Variants in CARMIL1 observed in about 807,000 individuals in gnomAD.
CARMIL1 encodes the protein F-actin-uncapping protein LRRC16A.
Under a neutral mutation model 177.1 loss-of-function variants are expected in CARMIL1, and 90 were observed. The observed-to-expected ratio is 0.51, with a 90% CI of 0.43 to 0.61. The LOEUF (loss-of-function observed/expected upper bound fraction) is 0.61. CARMIL1 is among the 20% of genes least tolerant of loss of function. The probability of loss-of-function intolerance (pLI) is 0.00; values close to 1 mark genes in which losing one functional copy is unlikely to be tolerated. For synonymous variants in CARMIL1, 577 were observed against 606.2 expected (o/e 0.95, Z 0.71); for missense variants, 1,380 against 1,667.0 (o/e 0.83, Z 3.00).
chr6:25,420,983 T>C (rs1397844565), intron 3 of CARMIL1, among the ~76,000 whole-genome samples: 1 of 152,210 alleles, frequency 6.6e-6, no homozygotes, highest in Non-Finnish European at 1.5e-5. Flanking sequence ...TAAGTCTTAT[T>C]ATTATCCCCT....
chr6:25,606,379 C>T (rs992079732), intron 35 of CARMIL1, 106 bp downstream of exon 35: 2 of 992,396 alleles, frequency 2.0e-6, no homozygotes, highest in Non-Finnish European at 2.9e-6. Context: ...GAGCGAGGTA[C>T]AGCGGCTTCT....
intron 33 of CARMIL1, among the ~76,000 whole-genome samples, chr6:25,603,613 T>C (rs947241871): frequency 1.3e-5 from 2 of 152,200 alleles, no homozygotes; most frequent in African/African-American, 2.4e-5. Flanking sequence ...GTCAGAAGCA[T>C]GGGATGAGCA....
chr6:25,471,172 A>G lies in CARMIL1; in HGVS notation c.694A>G (p.Thr232Ala). The stretch of plus-strand genomic sequence containing the variant: ...CAAAGAATGTTTTCTGTTACAGTCC[A>G]CTGATGTCTGTGAACAGATCTTGAG... ...KLSSKDLKLS[T>A]DVCEQILRVV... The change falls in exon 10 of 37, where the codon ACT becomes GCT. Residue 232 changes from threonine to alanine, a missense_variant. Transcript: ENST00000329474. The G allele has an allele frequency of 6.2e-7, 1 of 1,604,640 alleles. No homozygotes were observed. Among genetic ancestry groups the G allele is most frequent in the Non-Finnish European group, 8.5e-7 (1 of 1,174,526 alleles).
chr6:25,581,686 C>A (rs899094181), intron 31 of CARMIL1, among the ~76,000 whole-genome samples: 1 of 152,122 alleles, frequency 6.6e-6, no homozygotes, highest in Non-Finnish European at 1.5e-5. Context: ...ATTTCCGATT[C>A]TTCAGAACAG....
intron 29 of CARMIL1, chr6:25,563,058 A>T (rs1432783032): frequency 5.2e-6 from 1 of 192,796 alleles, no homozygotes; most frequent in Non-Finnish European, 9.5e-6. Context: ...AAAAATTGCA[A>T]GTGAATTTTA....
At chr6:25,600,283 C>T in intron 32 of CARMIL1, 31 bp from the exon 33 acceptor site, 1 of 1,563,978 alleles carries the variant, frequency 6.4e-7, no homozygotes, top group Non-Finnish European at 8.6e-7. Context: ...ACAGTAAAAA[C>T]AACAGATCTG....
intron 11 of CARMIL1, among the ~76,000 whole-genome samples, chr6:25,480,399 T>G (rs1801971337): frequency 6.6e-6 from 1 of 151,888 alleles, no homozygotes; most frequent in Non-Finnish European, 1.5e-5. Flanking sequence ...TCTTCTTAAT[T>G]AATGAAATAT....
intron 2 of CARMIL1, among the ~76,000 whole-genome samples, chr6:25,310,104 G>A (rs1188996417): frequency 6.6e-6 from 1 of 152,084 alleles, no homozygotes; most frequent in Non-Finnish European, 1.5e-5. Flanking sequence ...CTAATAGATT[G>A]TGGGTTGTTT....
chr6:25,304,093 C>T (rs1236469169), intron 2 of CARMIL1, among the ~76,000 whole-genome samples: 3 of 152,160 alleles, frequency 2.0e-5, no homozygotes, highest in Admixed American at 6.5e-5. Context: ...AGCCTGCTGC[C>T]CCCACAGGTG....
chr6:25,509,507 A>G lies in CARMIL1; in HGVS notation c.1396-149A>G, dbSNP rs1805261186. The stretch of plus-strand genomic sequence containing the variant: ...CTAGTGATAGGCTCTTTACCCACTG[A>G]TAATAGCTTCTTTGGAGTTGATAAG... On this transcript the variant is annotated intron_variant, in intron 17 of 36. Transcript: ENST00000329474. The surrounding 1 kb of genome is among the most constrained non-coding windows in gnomAD (Gnocchi z 4.1). 3.2e-6 allele frequency: 2 copies of G among 629,942 alleles called. No homozygotes were observed. Among genetic ancestry groups the G allele is most frequent in the Non-Finnish European group, 5.6e-6 (2 of 358,724 alleles). The allele number at this position is 629,942 out of a possible 1,614,324, so 39.0% of individuals were successfully genotyped here.
rs535853442 is a variant in CARMIL1, at chr6:25,468,203, A to T, written c.690+2255A>T. ...TTCTAATTTGAGTCAAGGATTTTTA[A>T]AAAAAAAAATGGTACCGAATATGCA... On this transcript the variant is annotated intron_variant, in intron 9 of 36. Transcript: ENST00000329474. Among the ~76,000 whole-genome samples the T allele has an allele frequency of 4.3e-3, 652 of 151,202 alleles. 4 individuals are homozygous for T. The highest frequency in any genetic ancestry group is 0.015 in the African/African-American group (623 of 41,266).
At chr6:25,574,346 A>G (rs987094820) in intron 29 of CARMIL1, among the ~76,000 whole-genome samples, 12 of 152,238 alleles carry the variant, frequency 7.9e-5, no homozygotes, top group Non-Finnish European at 1.6e-4. Context: ...ACCTGTTAAC[A>G]TGTTAGAATC....
chr6:25,381,522 T>C (rs1330703265), intron 2 of CARMIL1, among the ~76,000 whole-genome samples: 1 of 152,246 alleles, frequency 6.6e-6, no homozygotes, highest in African/African-American at 2.4e-5. Context: ...CAAGAGATGA[T>C]AAATCTTGAG....
intron 32 of CARMIL1, 43 bp downstream of exon 32, chr6:25,594,570 A>G (rs149545236): frequency 1.9e-5 from 21 of 1,078,256 alleles, no homozygotes; most frequent in East Asian, 1.9e-4. Context: ...TTTTATTCAT[A>G]TTTAAATTAC....
At chr6:25,293,493 C>T (rs755966948) in intron 2 of CARMIL1, among the ~76,000 whole-genome samples, 4 of 151,998 alleles carry the variant, frequency 2.6e-5, no homozygotes, top group Non-Finnish European at 4.4e-5. Flanking sequence ...TCAAGAGATC[C>T]TCCTGTGTCA....
chr6:25,559,010 G>T (rs1810880341), intron 29 of CARMIL1, among the ~76,000 whole-genome samples: 1 of 152,146 alleles, frequency 6.6e-6, no homozygotes, highest in South Asian at 2.1e-4. Context: ...GCATATTTTT[G>T]TGTGTGTAAA....
chr6:25,545,759 A>T (rs550118739), intron 26 of CARMIL1, among the ~76,000 whole-genome samples: 1 of 152,184 alleles, frequency 6.6e-6, no homozygotes, highest in Non-Finnish European at 1.5e-5. Context: ...AAAGATAACT[A>T]AAAAAGAGCC....
intron 2 of CARMIL1, among the ~76,000 whole-genome samples, chr6:25,412,757 T>G (rs987981873): frequency 7.9e-5 from 12 of 152,134 alleles, no homozygotes; most frequent in African/African-American, 2.2e-4. Context: ...CATAAAACTC[T>G]ATGTGGGGTA....
At position 25,482,154 on chromosome 6, in the gene CARMIL1, T is replaced by C; in HGVS notation, c.875-103T>C. The C allele has an allele frequency of 4.7e-6, 3 of 641,414 alleles. No homozygotes were observed. In the South Asian group the frequency reaches 5.6e-5, roughly 12 times the overall value. The allele number at this position is 641,414 out of a possible 1,614,324, so 39.7% of individuals were successfully genotyped here. On this transcript the variant is annotated intron_variant, in intron 11 of 36. Transcript: ENST00000329474. Reference sequence around the variant, plus strand: ...AAGTCTGATATTAGAAAGAAAAATATGATCACTTCAGTCAGAATCAAAATT... The same window carrying C: ...AAGTCTGATATTAGAAAGAAAAATACGATCACTTCAGTCAGAATCAAAATT...
Sources: allele counts gnomAD v4.1 joint callset (sites outside exome capture counted in the v4.1 genomes callset), GRCh38; gene constraint gnomAD v4.1.1; non-coding constraint Gnocchi (gnomAD v3.1); transcripts MANE v1.5; gene names NCBI Gene and HGNC (gene_info 2026-07-23, HGNC 2026-07-21).